BAIAP2: variants seen among roughly 807,000 people sequenced by gnomAD.
BAIAP2 encodes the protein BAR/IMD domain containing adaptor protein 2.
BAIAP2 carries 18 observed loss-of-function variants against 63.0 expected under a neutral mutation model. The ratio of observed to expected loss-of-function variants is 0.29; its 90% CI spans 0.20 to 0.42. BAIAP2 has a LOEUF of 0.42. Ranked by LOEUF, BAIAP2 falls within the 10% of genes least tolerant of loss-of-function variation. BAIAP2 has a pLI of 1.00. For synonymous variants in BAIAP2, 386 were observed against 307.6 expected, an observed-to-expected ratio of 1.25 and a Z score of -2.67; for missense variants, 610 against 734.3, an observed-to-expected ratio of 0.83 and a Z score of 1.96.
chr17:81,085,357 G>A (rs1044460209), intron 4 of BAIAP2: 19 of 581,392 alleles, frequency 3.3e-5, no homozygotes, highest in Non-Finnish European at 5.4e-5. Flanking sequence ...AGCCTGTGTC[G>A]CAGTGATCCC....
At chr17:81,050,409 G>A (rs1162809184) in intron 1 of BAIAP2, among the ~76,000 whole-genome samples, 1 of 152,216 alleles carries the variant, frequency 6.6e-6, no homozygotes, top group Admixed American at 6.5e-5. Context: ...GCTGCACTAA[G>A]GAAGCGAAAC....
intron 3 of BAIAP2, among the ~76,000 whole-genome samples, chr17:81,058,518 G>A (rs1045597333): frequency 2.0e-5 from 3 of 152,232 alleles, no homozygotes; most frequent in African/African-American, 4.8e-5. Flanking sequence ...TGCTGCAGGC[G>A]TGGCTTAGAC....
chr17:81,073,996 C>T (rs200087073), intron 3 of BAIAP2, among the ~76,000 whole-genome samples: 1 of 152,214 alleles, frequency 6.6e-6, no homozygotes, highest in Non-Finnish European at 1.5e-5. Flanking sequence ...ATGAGAGAGA[C>T]TAAAGCCACG....
At chr17:81,094,817 C>T (rs1246568042) in intron 6 of BAIAP2, among the ~76,000 whole-genome samples, 1 of 152,228 alleles carries the variant, frequency 6.6e-6, no homozygotes, top group Admixed American at 6.5e-5. Context: ...GGTCCGCAGC[C>T]GCATCCTTTC....
chr17:81,116,155 CA>C lies in BAIAP2; in HGVS notation c.*317del. ...CCTGAGTTAAGGGAGGACATTTGGC[CA>C]GCTGGTGGCTGGGAGGGGAGCCTGG... On this transcript the variant is annotated 3_prime_UTR_variant, in exon 14 of 14. Coordinates refer to ENST00000428708, the MANE Select transcript of BAIAP2 (RefSeq NM_001144888.2). The C allele has an allele frequency of 6.2e-7, 1 of 1,601,418 alleles. No homozygotes were observed. The highest frequency in any genetic ancestry group is 8.5e-7 in the Non-Finnish European group (1 of 1,173,964).
chr17:81,084,996 C>A (rs1487373015), intron 4 of BAIAP2, 103 bp downstream of exon 4: 38 of 1,219,902 alleles, frequency 3.1e-5, no homozygotes, highest in Non-Finnish European at 4.3e-5. Flanking sequence ...TCCCAGTTGT[C>A]CAGCCACACT....
At chr17:81,104,486 T>C in intron 9 of BAIAP2, 28 bp from the exon 10 acceptor site, 1 of 1,562,106 alleles carries the variant, frequency 6.4e-7, no homozygotes, top group Non-Finnish European at 8.7e-7. Flanking sequence ...CCAGGGGCAG[T>C]CCCCTTACCT....
chr17:81,066,907 A>T (rs1256651150), intron 3 of BAIAP2, among the ~76,000 whole-genome samples: 1 of 152,170 alleles, frequency 6.6e-6, no homozygotes, highest in East Asian at 1.9e-4. Context: ...TGGGCATGAC[A>T]CCTGCTTTCA....
In BAIAP2 at chr17:81,116,556, G is replaced by A; in HGVS notation, c.*717G>A. On this transcript the variant is annotated 3_prime_UTR_variant, in exon 14 of 14. Transcript: ENST00000428708. Reference sequence around the variant, plus strand: ...TGCGGCCAAAGGCCAGCTGTCAGGTGCTATGCGGGGTCACCAGCAGAGTGC... The same window carrying A: ...TGCGGCCAAAGGCCAGCTGTCAGGTACTATGCGGGGTCACCAGCAGAGTGC... 2 of 553,620 alleles carry A rather than the reference G, an allele frequency of 3.6e-6. No homozygotes were observed. Among genetic ancestry groups the A allele is most frequent in the South Asian group, 2.1e-5 (1 of 46,966 alleles). 34.3% of individuals were successfully genotyped at this position (553,620 alleles called of 1,614,324 possible).
intron 6 of BAIAP2, among the ~76,000 whole-genome samples, chr17:81,095,924 C>T (rs941621457): frequency 2.6e-5 from 4 of 152,150 alleles, no homozygotes; most frequent in Non-Finnish European, 4.4e-5. Context: ...TGTACTCTCC[C>T]CTGGGGAACT....
intron 13 of BAIAP2, among the ~76,000 whole-genome samples, chr17:81,115,540 C>T (rs1485765497): frequency 6.6e-6 from 1 of 152,090 alleles, no homozygotes; most frequent in African/African-American, 2.4e-5. Flanking sequence ...GGTGGGGGCA[C>T]CCTGCCTTGT....
At chr17:81,086,382 G>A in intron 5 of BAIAP2, 61 bp from the exon 6 acceptor site, 3 of 1,584,974 alleles carry the variant, frequency 1.9e-6, no homozygotes, top group South Asian at 1.1e-5. Flanking sequence ...TTTGCTGCCA[G>A]TGGTCCGCGC....
At chr17:81,092,013 G>A (rs560954078) in intron 6 of BAIAP2, among the ~76,000 whole-genome samples, 7 of 152,376 alleles carry the variant, frequency 4.6e-5, no homozygotes, top group African/African-American at 9.6e-5. Context: ...CTCAGCTGCC[G>A]CTGATGAAGG....
chr17:81,104,632 C>T lies in BAIAP2; in HGVS notation c.1185C>T (p.Ser395=), dbSNP rs1458947590. The change falls in exon 10 of 14, where the codon AGC becomes AGT. Residue 395 remains serine (S), a synonymous_variant. Coordinates refer to ENST00000428708, the MANE Select transcript of BAIAP2 (RefSeq NM_001144888.2). ...HAAGDNSTLL[S]FKEGDLITLL... ...CTGGGGACAACAGCACCCTCCTGAGCTTCAAGGAGGGTGACCTCATTACCC... is the reference window on the plus strand; with the variant it reads ...CTGGGGACAACAGCACCCTCCTGAGTTTCAAGGAGGGTGACCTCATTACCC... The T allele has an allele frequency of 6.2e-7, 1 of 1,611,498 alleles. No homozygotes were observed. The highest frequency in any genetic ancestry group is 1.1e-5 in the South Asian group (1 of 90,844).
intron 10 of BAIAP2, chr17:81,105,111 GTGGCAGGGGTCTGCCCCA>G (rs755291854): frequency 6.2e-4 from 71 of 114,476 alleles, no homozygotes; most frequent in Non-Finnish European, 9.7e-4. Context: ...TCTCCCCCCA[GTGGCAGGGGTCTGCCCCA>G]TGGCAGGGGT....
At chr17:81,064,376 C>T (rs1257029361) in intron 3 of BAIAP2, among the ~76,000 whole-genome samples, 1 of 152,154 alleles carries the variant, frequency 6.6e-6, no homozygotes, top group Non-Finnish European at 1.5e-5. Flanking sequence ...GCACTGACTC[C>T]CGGCTAATCA....
intron 1 of BAIAP2, among the ~76,000 whole-genome samples, chr17:81,045,768 T>TG (rs1327548375): frequency 3.3e-5 from 5 of 152,106 alleles, no homozygotes; most frequent in Admixed American, 3.3e-4. Flanking sequence ...CAGGAGGGGC[T>TG]GGGGTGTGCC....
chr17:81,074,593 G>GTGTGTGCGTGCACGGATGCGTGAGTGCC (rs900302692), intron 3 of BAIAP2, among the ~76,000 whole-genome samples: 1 of 151,648 alleles, frequency 6.6e-6, no homozygotes, highest in East Asian at 1.9e-4. Flanking sequence ...GTGAGTGCCT[G>GTGTGTGCGTGCACGGATGCGTGAGTGCC]TGTGTGCGTG....
At chr17:81,099,034 C>A (rs1274148956) in intron 6 of BAIAP2, among the ~76,000 whole-genome samples, 1 of 140,802 alleles carries the variant, frequency 7.1e-6, no homozygotes, top group Non-Finnish European at 1.5e-5. Flanking sequence ...GGCACTCAGG[C>A]AGCTCCAAGG....
Sources: allele counts gnomAD v4.1 joint callset (sites outside exome capture counted in the v4.1 genomes callset), GRCh38; gene constraint gnomAD v4.1.1; transcripts MANE v1.5; gene names NCBI Gene and HGNC (gene_info 2026-07-23, HGNC 2026-07-21).